Variants in TMEM231 observed in about 807,000 individuals in gnomAD.
The protein encoded by TMEM231 is transmembrane protein 231.
A neutral mutation model predicts 38.5 loss-of-function variants in TMEM231; 40 were observed. That is an observed-to-expected ratio of 1.04 (90% CI 0.81 to 1.35). The LOEUF (loss-of-function observed/expected upper bound fraction) is 1.35. Ranked by LOEUF, TMEM231 falls within the 40% of genes most tolerant of loss-of-function variation. The pLI is 0.00. For synonymous variants in TMEM231, 199 were observed against 181.7 expected, an observed-to-expected ratio of 1.10 and a Z score of -0.77; for missense variants, 420 against 416.9, an observed-to-expected ratio of 1.01 and a Z score of -0.07.
At chr16:75,544,949 C>CTTCTTTTTTTTTTTTTTTTTTTT (rs2080666559) in intron 4 of TMEM231, among the ~76,000 whole-genome samples, 2 of 89,622 alleles carry the variant, frequency 2.2e-5, no homozygotes, top group African/African-American at 7.5e-5. Context: ...TTTTCTTTTT[C>CTTCTTTTTTTTTTTTTTTTTTTT]TTTTTTTTTT....
At position 75,545,823 on chromosome 16, in the gene TMEM231, C is replaced by T. The variant is rs1183368030; in HGVS notation, c.438+3G>A. 1 of 1,177,508 alleles carries T rather than the reference C, an allele frequency of 8.5e-7. No individual in the cohort carries two copies. The highest frequency in any genetic ancestry group is 1.2e-6 in the Non-Finnish European group (1 of 859,860). 72.9% of individuals were successfully genotyped at this position (1,177,508 alleles called of 1,614,324 possible). On this transcript the variant is annotated splice_donor_region_variant and intron_variant, in intron 3 of 6. Coordinates refer to ENST00000258173, the MANE Select transcript of TMEM231 (RefSeq NM_001077418.3). ...AGGACAGCCTCCCAGCGGACTGACT[C>T]ACGTGTAATCGATAGGAGAAAGTCA...
chr16:75,554,358 A>G (rs2080789456), intron 2 of TMEM231, among the ~76,000 whole-genome samples: 1 of 152,122 alleles, frequency 6.6e-6, no homozygotes, highest in Admixed American at 6.6e-5. Context: ...TGAGGTCAGG[A>G]GTTCGAGACC....
chr16:75,542,443 G>A (rs770827937), intron 5 of TMEM231, 159 bp downstream of exon 5: 5 of 716,020 alleles, frequency 7.0e-6, no homozygotes, highest in Admixed American at 4.3e-5. Context: ...AGATCAGGAC[G>A]AAAAAGACAA....
At position 75,537,580 on chromosome 16, in the gene TMEM231, G is replaced by A. The variant is rs2080573309; in HGVS notation, c.*2414C>T. 1 of 151,546 alleles carries A rather than the reference G, an allele frequency of 6.6e-6. No individual in the cohort carries two copies. Among genetic ancestry groups the A allele is most frequent in the African/African-American group, 2.4e-5 (1 of 41,146 alleles). The allele number at this position is 151,546 out of a possible 1,614,324, so 9.4% of individuals were successfully genotyped here. A position where few individuals can be genotyped will look rare whatever the true frequency, so the allele number is the denominator to read the frequency against. On this transcript the variant is annotated 3_prime_UTR_variant, in exon 7 of 7. Coordinates refer to ENST00000258173, the MANE Select transcript of TMEM231 (RefSeq NM_001077418.3). ...CGGCTCACTGCAACCTCCGCCTCCA[G>A]GGTTCAAGCGATTCTCCTGCCTCAG...
chr16:75,548,872 AAAC>A (rs1338527247), intron 2 of TMEM231, among the ~76,000 whole-genome samples: 1 of 152,214 alleles, frequency 6.6e-6, no homozygotes, highest in Non-Finnish European at 1.5e-5. Context: ...TATCTCAAAC[AAAC>A]AACAAAAAAA....
chr16:75,546,481 C>T (rs1042108247), intron 2 of TMEM231, among the ~76,000 whole-genome samples: 6 of 151,730 alleles, frequency 4.0e-5, no homozygotes, highest in South Asian at 2.1e-4. Flanking sequence ...CTAACTCTAT[C>T]GCCCAGGCTG....
At position 75,537,358 on chromosome 16, in the gene TMEM231, T is replaced by C. The variant is rs562769718; in HGVS notation, c.*2636A>G. On this transcript the variant is annotated 3_prime_UTR_variant, in exon 7 of 7. Transcript: ENST00000258173. ...GATGGAATATTAGGGGGGCCTCATC[T>C]GACTTAAGCCGAAACTGTACTAATC... 3 of 152,178 alleles carry C rather than the reference T, an allele frequency of 2.0e-5. No individual in the cohort carries two copies. Among genetic ancestry groups the C allele is most frequent in the African/African-American group, 7.2e-5 (3 of 41,558 alleles). The allele number at this position is 152,178 out of a possible 1,614,324, so 9.4% of individuals were successfully genotyped here.
At chr16:75,547,666 C>G (rs1363239466) in intron 2 of TMEM231, among the ~76,000 whole-genome samples, 1 of 152,168 alleles carries the variant, frequency 6.6e-6, no homozygotes, top group African/African-American at 2.4e-5. Context: ...GTAATCCCAG[C>G]TACTCAGGAG....
At chr16:75,551,135 T>C (rs1026176633) in intron 2 of TMEM231, among the ~76,000 whole-genome samples, 1 of 152,256 alleles carries the variant, frequency 6.6e-6, no homozygotes, top group South Asian at 2.1e-4. Context: ...GCACCAGTTG[T>C]GGGTCTCTAG....
intron 4 of TMEM231, 119 bp downstream of exon 4, chr16:75,545,233 T>C: frequency 7.1e-7 from 1 of 1,400,872 alleles, no homozygotes; most frequent in Non-Finnish European, 9.7e-7. Flanking sequence ...GTGCTGGGAT[T>C]ACAGGTATGA....
At chr16:75,550,528 G>C (rs1463907636) in intron 2 of TMEM231, among the ~76,000 whole-genome samples, 1 of 152,152 alleles carries the variant, frequency 6.6e-6, no homozygotes, top group Admixed American at 6.5e-5. Context: ...GTTTGGAGCT[G>C]AGACAATACC....
At chr16:75,541,934 T>C (rs1597037830) in intron 5 of TMEM231, 2 of 153,268 alleles carry the variant, frequency 1.3e-5, no homozygotes, top group South Asian at 2.0e-4. Flanking sequence ...CCCTCTATTA[T>C]TGCAATAATG....
rs2641800 is a variant in TMEM231 at position 75,538,815 on chromosome 16, G to C, written c.*1179C>G. 3 of 152,004 alleles carry C rather than the reference G, an allele frequency of 2.0e-5. No homozygotes were observed. Among genetic ancestry groups the C allele is most frequent in the Admixed American group, 1.3e-4 (2 of 15,252 alleles). The allele number at this position is 152,004 out of a possible 1,614,324, so 9.4% of individuals were successfully genotyped here. A position where few individuals can be genotyped will look rare whatever the true frequency, so the allele number is the denominator to read the frequency against. On this transcript the variant is annotated 3_prime_UTR_variant, in exon 7 of 7. Transcript: ENST00000258173. Reference sequence around the variant, plus strand: ...GAATGGGCTGAACAAGCCATCTTCCGTGTGCAGAGGCCCCTTCCAGCCATC... The same window carrying C: ...GAATGGGCTGAACAAGCCATCTTCCCTGTGCAGAGGCCCCTTCCAGCCATC...
Position 75,546,651 on chromosome 16 carries a change from C to A in TMEM231, c.310-697G>T, listed in dbSNP as rs2080695867. Among the ~76,000 whole-genome samples the A allele has an allele frequency of 2.0e-5, 3 of 152,130 alleles. 1 individual carries two copies. In the South Asian group the frequency reaches 6.2e-4, roughly 32 times the overall value. ...AGAGACTGGGTCTCACCATGTTGGC[C>A]AGGCTGATCTTGAACTCCTGACCTC... is the stretch of plus-strand genomic sequence containing the variant. On this transcript the variant is annotated intron_variant, in intron 2 of 6. Transcript: ENST00000258173.
chr16:75,541,258 G>T, intron 6 of TMEM231, 92 bp downstream of exon 6: 19 of 715,352 alleles, frequency 2.7e-5, no homozygotes, highest in Admixed American at 3.4e-5. Context: ...GGGTTCAAAT[G>T]ATCCTCCCAC....
chr16:75,540,024 C>G lies in TMEM231; in HGVS notation c.921G>C (p.Arg307=). ...ATAAGTGCTCCTTACACAAGTCTCC[C>G]CGGGGCGTCACTGTCACAGGAATGG... is the stretch of plus-strand genomic sequence containing the variant. The part of the protein sequence containing the change: ...VTTIPVTVTP[R]GDLCKEHLS The change falls in exon 7 of 7, where the codon CGG becomes CGC. Residue 307 remains arginine, a synonymous_variant. Coordinates refer to ENST00000258173, the MANE Select transcript of TMEM231 (RefSeq NM_001077418.3). 1 of 1,613,216 alleles carries G rather than the reference C, an allele frequency of 6.2e-7. No individual in the cohort carries two copies. The highest frequency in any genetic ancestry group is 8.5e-7 in the Non-Finnish European group (1 of 1,179,544).
chr16:75,540,446 C>T (rs2080610544), intron 6 of TMEM231, among the ~76,000 whole-genome samples: 1 of 152,224 alleles, frequency 6.6e-6, no homozygotes, highest in South Asian at 2.1e-4. Context: ...GAGCTGTTAA[C>T]CAGCCATCCA....
intron 2 of TMEM231, among the ~76,000 whole-genome samples, chr16:75,548,232 G>A (rs1394848047): frequency 1.3e-5 from 2 of 152,250 alleles, no homozygotes; most frequent in South Asian, 4.2e-4. Flanking sequence ...AATTCCAAAT[G>A]AAGACAGCAG....
intron 2 of TMEM231, among the ~76,000 whole-genome samples, chr16:75,549,952 G>A (rs146535984): frequency 0.014 from 2,107 of 152,236 alleles, 60 homozygotes; most frequent in African/African-American, 0.048. Flanking sequence ...TGGGTGATCT[G>A]CCCGCCTCAG....
Sources: allele counts gnomAD v4.1 joint callset (sites outside exome capture counted in the v4.1 genomes callset), GRCh38; gene constraint gnomAD v4.1.1; transcripts MANE v1.5; gene names NCBI Gene and HGNC (gene_info 2026-07-23, HGNC 2026-07-21).